NUP58: variants seen among roughly 807,000 people sequenced by gnomAD.
NUP58 encodes the protein nucleoporin p58/p45.
In NUP58, 17 loss-of-function variants were observed where a neutral mutation model predicts 70.1. That is an observed-to-expected ratio of 0.24 (90% CI 0.17 to 0.36). NUP58 has a LOEUF of 0.36. Among genes scored for constraint, NUP58 ranks in the 10% least tolerant of loss-of-function variants. The pLI is 1.00. For missense variants in NUP58, 644 were observed against 701.5 expected (o/e 0.92, Z 0.93); for synonymous variants, 275 against 257.6 (o/e 1.07, Z -0.65).
chr13:25,320,236 T>G (rs2031124170), intron 7 of NUP58: 1 of 218,822 alleles, frequency 4.6e-6, no homozygotes, highest in Admixed American at 6.0e-5. Context: ...TTTGCAGTAT[T>G]CTCTGATTTT....
chr13:25,336,041 T>G, intron 13 of NUP58: 4 of 1,173,002 alleles, frequency 3.4e-6, no homozygotes, highest in Non-Finnish European at 4.3e-6. Context: ...CCAAACAAAC[T>G]CAGCCAAAAT....
At chr13:25,323,930 T>A (rs1467568485) in intron 9 of NUP58, among the ~76,000 whole-genome samples, 1 of 152,122 alleles carries the variant, frequency 6.6e-6, no homozygotes, top group Admixed American at 6.6e-5. Context: ...AAGGGTTTTG[T>A]AGGGGCACAG....
intron 2 of NUP58, 72 bp from the exon 3 acceptor site, chr13:25,309,175 C>T (rs2030528570): frequency 2.6e-6 from 3 of 1,161,974 alleles, no homozygotes; most frequent in African/African-American, 3.0e-5. Flanking sequence ...TAAGTCTTTC[C>T]CTTATGACAG....
At chr13:25,307,767 G>A (rs765372590) in intron 1 of NUP58, 39 bp from the exon 2 acceptor site, 2 of 1,608,598 alleles carry the variant, frequency 1.2e-6, no homozygotes, top group South Asian at 1.1e-5. Context: ...CTCCTTTTGT[G>A]CATGTGATTT....
chr13:25,327,598 C>A, intron 12 of NUP58, 86 bp downstream of exon 12: 4 of 746,452 alleles, frequency 5.4e-6, no homozygotes, highest in East Asian at 2.7e-5. Flanking sequence ...ATGCTTGATA[C>A]AGAAATAGCT....
At chr13:25,347,129 A>G (rs924651654), downstream of NUP58, among the ~76,000 whole-genome samples, 6 of 152,158 alleles carry the variant, frequency 3.9e-5, no homozygotes, top group Non-Finnish European at 8.8e-5. Flanking sequence ...TGTGAAATGT[A>G]GTATTGACTG....
At chr13:25,337,512 A>G (rs1349117711) in intron 14 of NUP58, among the ~76,000 whole-genome samples, 2 of 152,182 alleles carry the variant, frequency 1.3e-5, no homozygotes, top group Non-Finnish European at 1.5e-5. Context: ...AAATTTGCCT[A>G]TATACATGCT....
chr13:25,334,856 A>G (rs1353685833), intron 13 of NUP58: 1 of 984,516 alleles, frequency 1.0e-6, no homozygotes, highest in Admixed American at 6.1e-5. Context: ...CTACATGAAG[A>G]TTTCACTTTG....
At chr13:25,344,484 T>G (rs973328959), downstream of NUP58, among the ~76,000 whole-genome samples, 2 of 152,228 alleles carry the variant, frequency 1.3e-5, no homozygotes, top group African/African-American at 4.8e-5. Flanking sequence ...GATGCTTTAT[T>G]TGTATACCTG....
chr13:25,326,291 A>G (rs1175651276), intron 10 of NUP58, among the ~76,000 whole-genome samples: 1 of 151,106 alleles, frequency 6.6e-6, no homozygotes, highest in Admixed American at 6.6e-5. Context: ...CCCATTGTTT[A>G]CTGAAAGACA....
At chr13:25,328,438 C>T (rs574609409) in intron 12 of NUP58, among the ~76,000 whole-genome samples, 43 of 145,336 alleles carry the variant, frequency 3.0e-4, no homozygotes, top group African/African-American at 1.0e-3. Flanking sequence ...CTCTGTCGCC[C>T]AGGCTGGAGT....
intron 5 of NUP58, 71 bp downstream of exon 5, chr13:25,313,822 CT>C: frequency 7.9e-7 from 1 of 1,268,190 alleles, no homozygotes; most frequent in Non-Finnish European, 1.0e-6. Context: ...TATTTTAGTA[CT>C]TTGAGCAGGT....
intron 1 of NUP58, among the ~76,000 whole-genome samples, chr13:25,302,317 C>A (rs574937134): frequency 6.6e-6 from 1 of 152,274 alleles, no homozygotes; most frequent in East Asian, 1.9e-4. Context: ...TTGGATATGA[C>A]GGTGTTTTAA....
At chr13:25,320,659 GCATCTCTT>G in intron 8 of NUP58, 64 bp downstream of exon 8, 1 of 1,207,586 alleles carries the variant, frequency 8.3e-7, no homozygotes, top group Non-Finnish European at 1.2e-6. Context: ...CTTAAGGGGA[GCATCTCTT>G]CCTCCTAAAA....
At chr13:25,332,761 TCTAG>T in intron 13 of NUP58, 1 of 985,452 alleles carries the variant, frequency 1.0e-6, no homozygotes, top group Non-Finnish European at 1.2e-6. Context: ...CTGGTAGCTC[TCTAG>T]CTGGCTGGAG....
intron 3 of NUP58, among the ~76,000 whole-genome samples, chr13:25,310,841 A>G (rs190754371): frequency 2.0e-5 from 3 of 152,284 alleles, no homozygotes; most frequent in African/African-American, 7.2e-5. Flanking sequence ...TTGTTTGAGC[A>G]GTTACTACTT....
chr13:25,317,315 A>G (rs887091987), intron 6 of NUP58, among the ~76,000 whole-genome samples: 2 of 152,274 alleles, frequency 1.3e-5, no homozygotes, highest in East Asian at 1.9e-4. Flanking sequence ...ACCTCAGGCA[A>G]TTTGGGTCTA....
chr13:25,305,171 C>T (rs1276295787), intron 1 of NUP58, among the ~76,000 whole-genome samples: 3 of 101,636 alleles, frequency 3.0e-5, no homozygotes, highest in Non-Finnish European at 5.3e-5. Context: ...TGAGACAGGG[C>T]CTTGCCCTGT....
intron 1 of NUP58, among the ~76,000 whole-genome samples, chr13:25,306,233 G>T (rs2030349446): frequency 2.0e-5 from 3 of 151,918 alleles, no homozygotes. Context: ...GTGAAACCCT[G>T]TCTCTAGTAA....
Sources: allele counts gnomAD v4.1 joint callset (sites outside exome capture counted in the v4.1 genomes callset), GRCh38; gene constraint gnomAD v4.1.1; transcripts MANE v1.5; gene names NCBI Gene and HGNC (gene_info 2026-07-23, HGNC 2026-07-21).